Variants in PROS1 observed in about 807,000 individuals in gnomAD.
PROS1 encodes the protein protein S.
A neutral mutation model predicts 75.9 loss-of-function variants in PROS1; 29 were observed. The ratio of observed to expected loss-of-function variants is 0.38; its 90% confidence interval spans 0.28 to 0.52. The LOEUF (loss-of-function observed/expected upper bound fraction) is 0.52. Ranked by LOEUF, PROS1 falls within the 20% of genes least tolerant of loss-of-function variation. The pLI is 0.83. For missense variants in PROS1, 680 were observed against 810.3 expected (o/e 0.84, Z 1.95); for synonymous variants, 245 against 280.6 (o/e 0.87, Z 1.27).
At chr3:93,930,415 A>G (rs1352072795) in intron 1 of PROS1, among the ~76,000 whole-genome samples, 1 of 152,226 alleles carries the variant, frequency 6.6e-6, no homozygotes. Context: ...TTTCTGGGGA[A>G]AACAATAACA....
At chr3:93,894,433 C>A (rs1443730316) in intron 9 of PROS1, among the ~76,000 whole-genome samples, 4 of 152,130 alleles carry the variant, frequency 2.6e-5, no homozygotes, top group East Asian at 3.9e-4. Flanking sequence ...ATTATCTGAG[C>A]ATTTTGCTGA....
chr3:93,907,826 A>G (rs908688811), intron 4 of PROS1, among the ~76,000 whole-genome samples: 3 of 152,202 alleles, frequency 2.0e-5, no homozygotes, highest in African/African-American at 7.2e-5. Context: ...GAGCCTTAGA[A>G]CAATTCCATG....
intron 1 of PROS1, among the ~76,000 whole-genome samples, chr3:93,959,994 A>G (rs1234585119): frequency 6.6e-6 from 1 of 152,174 alleles, no homozygotes; most frequent in Non-Finnish European, 1.5e-5. Flanking sequence ...ACAACCACAC[A>G]CTTTGTAATA....
At chr3:93,970,535 G>T (rs1464999405) in intron 1 of PROS1, among the ~76,000 whole-genome samples, 2 of 151,674 alleles carry the variant, frequency 1.3e-5, no homozygotes, top group African/African-American at 2.4e-5. Context: ...TAAAGACGGG[G>T]TCCCACTATG....
intron 1 of PROS1, among the ~76,000 whole-genome samples, chr3:93,945,686 A>T (rs1709380587): frequency 1.3e-5 from 2 of 152,250 alleles, no homozygotes; most frequent in East Asian, 3.9e-4. Context: ...ATTTATGACA[A>T]ACCCACAGCC....
intron 1 of PROS1, among the ~76,000 whole-genome samples, chr3:93,934,243 T>C (rs1709149547): frequency 6.6e-6 from 1 of 151,626 alleles, no homozygotes; most frequent in Non-Finnish European, 1.5e-5. Flanking sequence ...TAAAAATGGC[T>C]GTATATTCAA....
At chr3:93,924,725 T>A (rs1264086532) in intron 2 of PROS1, among the ~76,000 whole-genome samples, 2 of 151,544 alleles carry the variant, frequency 1.3e-5, no homozygotes, top group Admixed American at 1.3e-4. Flanking sequence ...TGCAGTGGTA[T>A]GACCATGACT....
intron 1 of PROS1, among the ~76,000 whole-genome samples, chr3:93,949,913 G>A (rs566707965): frequency 6.6e-5 from 10 of 152,250 alleles, no homozygotes; most frequent in African/African-American, 9.6e-5. Context: ...GCAAGGGGTC[G>A]GGGAATTCCC....
chr3:93,937,006 G>T (rs1709193892), intron 1 of PROS1, among the ~76,000 whole-genome samples: 1 of 152,194 alleles, frequency 6.6e-6, no homozygotes, highest in Non-Finnish European at 1.5e-5. Flanking sequence ...AAGCTGATGA[G>T]AACCTGTTGG....
At chr3:93,969,128 T>C (rs893306620) in intron 1 of PROS1, among the ~76,000 whole-genome samples, 27 of 149,026 alleles carry the variant, frequency 1.8e-4, no homozygotes, top group Admixed American at 5.3e-4. Flanking sequence ...TTTTCTTTTT[T>C]TTTTTTTTTT....
chr3:93,971,627 C>CCA (rs748664337), intron 1 of PROS1, among the ~76,000 whole-genome samples: 16,085 of 124,222 alleles, frequency 0.13, 1,232 homozygotes, highest in Middle Eastern at 0.22. Flanking sequence ...AAAATAAAAA[C>CCA]CACACACACA....
At chr3:93,955,849 T>C (rs1009909621) in intron 1 of PROS1, among the ~76,000 whole-genome samples, 5 of 152,162 alleles carry the variant, frequency 3.3e-5, no homozygotes, top group African/African-American at 9.7e-5. Context: ...TCAAAATATA[T>C]ATTTTAAGTT....
chr3:93,955,083 C>T (rs1709575997), intron 1 of PROS1, among the ~76,000 whole-genome samples: 1 of 152,156 alleles, frequency 6.6e-6, no homozygotes, highest in Non-Finnish European at 1.5e-5. Flanking sequence ...ACAACAGGTG[C>T]TGGAGAGGAT....
intron 14 of PROS1, among the ~76,000 whole-genome samples, 154 bp from the exon 15 acceptor site, chr3:93,874,559 G>GT (rs1387696522): frequency 6.6e-6 from 1 of 152,126 alleles, no homozygotes; most frequent in Non-Finnish European, 1.5e-5. Flanking sequence ...TACATGTTAA[G>GT]TGACGCCGAT....
chr3:93,961,794 G>T (rs1464917294), intron 1 of PROS1, among the ~76,000 whole-genome samples: 1 of 152,160 alleles, frequency 6.6e-6, no homozygotes, highest in Non-Finnish European at 1.5e-5. Flanking sequence ...CTAACAGTTG[G>T]CTTGGTTGGC....
At chr3:93,954,038 G>T (rs190830823) in intron 1 of PROS1, among the ~76,000 whole-genome samples, 176 of 152,264 alleles carry the variant, frequency 1.2e-3, no homozygotes, top group Admixed American at 2.4e-3. Flanking sequence ...AGCTCTTCAA[G>T]GAGAAATACA....
At chr3:93,906,366 A>G (rs550508845) in intron 4 of PROS1, among the ~76,000 whole-genome samples, 5 of 152,376 alleles carry the variant, frequency 3.3e-5, no homozygotes, top group Non-Finnish European at 5.9e-5. Flanking sequence ...TGGCCCATGT[A>G]GAGTGGCCGC....
chr3:93,940,094 C>T (rs1440322319), intron 1 of PROS1, among the ~76,000 whole-genome samples: 2 of 152,246 alleles, frequency 1.3e-5, no homozygotes, highest in African/African-American at 4.8e-5. Context: ...GGAAATCTGG[C>T]CACTGGGCCA....
rs1708776852 is a variant in PROS1, at chr3:93,912,702, G to A, written c.260-1997C>T. Among the ~76,000 whole-genome samples the A allele has an allele frequency of 3.3e-5, 5 of 152,108 alleles. 1 individual carries two copies. In the South Asian group the frequency reaches 1.0e-3, roughly 32 times the overall value. On this transcript the variant is annotated intron_variant, in intron 3 of 14. Transcript: ENST00000394236. Reference sequence around the variant, plus strand: ...CAAGGTGCTTTAGTGTCTCATGAAGGCCCTCTTGCTACACCATCCCACAGC... The same window carrying A: ...CAAGGTGCTTTAGTGTCTCATGAAGACCCTCTTGCTACACCATCCCACAGC...
Sources: gnomAD v4.1 joint callset for allele counts (sites outside exome capture counted in the v4.1 genomes callset) on GRCh38, gnomAD v4.1.1 for gene constraint, MANE v1.5 for transcripts, NCBI Gene and HGNC (gene_info 2026-07-23, HGNC 2026-07-21) for gene names.